Variants in NEB observed in about 807,000 individuals in gnomAD.
NEB encodes the protein nebulin.
In NEB, 512 loss-of-function variants were observed where a neutral mutation model predicts 952.2. The observed-to-expected ratio is 0.54, with a 90% confidence interval of 0.50 to 0.58. The LOEUF is 0.58. Ranked by LOEUF, NEB falls within the 20% of genes least tolerant of loss-of-function variation. The pLI is 0.00. For synonymous variants in NEB, 2,900 were observed against 3,149.8 expected (o/e 0.92, Z 2.66); for missense variants, 8,428 against 9,231.1 (o/e 0.91, Z 3.56).
chr2:151,492,696 GACTTCGA>G (rs2057540141), intron 176 of NEB: 1 of 387,538 alleles, frequency 2.6e-6, no homozygotes, highest in South Asian at 1.0e-4. Flanking sequence ...GACTTGTTTT[GACTTCGA>G]AAATGAAACT....
chr2:151,569,971 C>A (rs1006880124), intron 109 of NEB, 110 bp downstream of exon 109: 14 of 1,102,942 alleles, frequency 1.3e-5, no homozygotes, highest in Admixed American at 2.6e-5. Flanking sequence ...ATATTAAATT[C>A]TTGGTGATAT....
rs190345918 is a variant in NEB at position 151,612,848 on chromosome 2, G to A, written c.11602-459C>T. 3.7e-3 allele frequency among the ~76,000 whole-genome samples: 564 copies of A among 152,212 alleles called. 4 individuals are homozygous for A. In the Middle Eastern group the frequency reaches 0.078, roughly 21 times the overall value. On this transcript the variant is annotated intron_variant, in intron 77 of 181. Coordinates refer to ENST00000397345, the MANE Select transcript of NEB (RefSeq NM_001164508.2). ...CGTTGCATTAATGTGTTTTTTTGGGGATAAAAACGACGTCTTTTTCGTATG... is the reference window on the plus strand; with the variant it reads ...CGTTGCATTAATGTGTTTTTTTGGGAATAAAAACGACGTCTTTTTCGTATG...
At chr2:151,705,708 T>A (rs2099703076) in intron 13 of NEB, among the ~76,000 whole-genome samples, 1 of 151,700 alleles carries the variant, frequency 6.6e-6, no homozygotes, top group Admixed American at 6.6e-5. Flanking sequence ...AAAGAAAATG[T>A]GGTATATATA....
intron 48 of NEB, among the ~76,000 whole-genome samples, 193 bp downstream of exon 48, chr2:151,657,790 G>T (rs941382545): frequency 1.2e-4 from 18 of 152,120 alleles, no homozygotes; most frequent in African/African-American, 4.1e-4. Flanking sequence ...CATCTATGAG[G>T]GTCACCATGT....
chr2:151,503,367 A>T lies in NEB; in HGVS notation c.23817T>A (p.Asn7939Lys). The change falls in exon 166 of 182, where the codon AAT becomes AAA. Residue 7939 changes from asparagine to lysine, a missense_variant. Coordinates refer to ENST00000397345, the MANE Select transcript of NEB (RefSeq NM_001164508.2). ...VTPEIERVKR[N>K]QENFSSVLYK... Reference sequence around the variant, plus strand: ...TAAATACCGAGCTAAAGTTCTCTTGATTGCGTTTGACTCTCTCAATCTCTG... The same window carrying T: ...TAAATACCGAGCTAAAGTTCTCTTGTTTGCGTTTGACTCTCTCAATCTCTG... The T allele has an allele frequency of 6.2e-7, 1 of 1,611,598 alleles. No homozygotes were observed. The highest frequency in any genetic ancestry group is 1.3e-5 in the African/African-American group (1 of 74,976).
At chr2:151,620,548 A>G in intron 72 of NEB, among the ~76,000 whole-genome samples, 1 of 151,846 alleles carries the variant, frequency 6.6e-6, no homozygotes, top group East Asian at 1.9e-4. Flanking sequence ...TTGTCTTTCC[A>G]TGTTCATTTT....
intron 23 of NEB, 117 bp from the exon 24 acceptor site, chr2:151,690,942 G>A (rs1304465275): frequency 1.4e-6 from 1 of 728,926 alleles, no homozygotes; most frequent in Non-Finnish European, 2.4e-6. Context: ...AAACTTAGTT[G>A]ATGCGTTTAT....
At chr2:151,507,363 C>A (rs1575487083) in intron 162 of NEB, among the ~76,000 whole-genome samples, 3 of 152,300 alleles carry the variant, frequency 2.0e-5, no homozygotes, top group Non-Finnish European at 1.5e-5. Context: ...AATAATGGCA[C>A]CTTGGCATTT....
intron 120 of NEB, 34 bp from the exon 121 acceptor site, chr2:151,562,248 G>C: frequency 1.3e-6 from 2 of 1,503,644 alleles, no homozygotes; most frequent in East Asian, 2.3e-5. Context: ...AATGTGGAAG[G>C]TATTCTGAAT....
chr2:151,625,797 A>G (rs1201878131), intron 70 of NEB, among the ~76,000 whole-genome samples, 159 bp from the exon 71 acceptor site: 1 of 152,206 alleles, frequency 6.6e-6, no homozygotes, highest in African/African-American at 2.4e-5. Flanking sequence ...CAAGACATTT[A>G]TTGTAACAAA....
chr2:151,548,641 A>T (rs916699632), intron 130 of NEB, among the ~76,000 whole-genome samples: 6 of 152,226 alleles, frequency 3.9e-5, no homozygotes, highest in African/African-American at 1.4e-4. Flanking sequence ...GACCTTGCCT[A>T]GGTGAAATCT....
intron 105 of NEB, among the ~76,000 whole-genome samples, chr2:151,577,395 G>A (rs1200122987): frequency 6.6e-6 from 1 of 152,154 alleles, no homozygotes; most frequent in East Asian, 1.9e-4. Context: ...AATGCCCCAT[G>A]TCCTCCTAAC....
chr2:151,520,549 A>G (rs1306499709), intron 153 of NEB, among the ~76,000 whole-genome samples: 1 of 152,236 alleles, frequency 6.6e-6, no homozygotes, highest in African/African-American at 2.4e-5. Flanking sequence ...AGAGACAGTC[A>G]TTATGTCTAG....
chr2:151,698,516 G>A (rs1005171182), intron 13 of NEB, among the ~76,000 whole-genome samples: 1 of 152,024 alleles, frequency 6.6e-6, no homozygotes, highest in Non-Finnish European at 1.5e-5. Flanking sequence ...TAATGCCACT[G>A]AATTATACAC....
chr2:151,732,006 T>C (rs1262960019), intron 3 of NEB, among the ~76,000 whole-genome samples: 2 of 152,222 alleles, frequency 1.3e-5, no homozygotes, highest in East Asian at 3.8e-4. Context: ...AGCTATTTTA[T>C]TTGTAGAATA....
intron 63 of NEB, among the ~76,000 whole-genome samples, chr2:151,636,801 A>C (rs970259034): frequency 1.3e-5 from 2 of 152,100 alleles, no homozygotes; most frequent in African/African-American, 4.8e-5. Flanking sequence ...AACAAAACAA[A>C]AAAAAAAGAT....
At position 151,666,189 on chromosome 2, in the gene NEB, G is replaced by A; in HGVS notation, c.4932C>T (p.Ala1644=). ...ATGACTGTCTGTAGTTGGCGTTGGT[G>A]GCAACCTCCTGAGATTTCTTTGCAG... ...VTAAKKSQEV[A]TNANYRQSYH... is the part of the protein sequence containing the mutation. The change falls in exon 41 of 182, where the codon GCC becomes GCT. Residue 1644 remains alanine (A), a synonymous_variant. Coordinates refer to ENST00000397345, the MANE Select transcript of NEB (RefSeq NM_001164508.2). The A allele has an allele frequency of 6.2e-7, 1 of 1,613,928 alleles. No homozygotes were observed. Among genetic ancestry groups the A allele is most frequent in the Non-Finnish European group, 8.5e-7 (1 of 1,179,848 alleles).
intron 148 of NEB, 136 bp from the exon 149 acceptor site, chr2:151,526,398 G>A (rs761501216): frequency 6.1e-4 from 420 of 684,372 alleles, no homozygotes; most frequent in Admixed American, 4.8e-4. Context: ...GCAAATTTTG[G>A]GAAATATTCA....
At position 151,672,658 on chromosome 2, in the gene NEB, T is replaced by C. The variant is rs921890762; in HGVS notation, c.4010A>G (p.Glu1337Gly). The C allele has an allele frequency of 6.2e-7, 1 of 1,613,588 alleles. No homozygotes were observed. Among genetic ancestry groups the C allele is most frequent in the Non-Finnish European group, 8.5e-7 (1 of 1,179,678 alleles). ...ASDYKYKEAY[E>G]KSKGKHVGFR... ...ACCCACATGCTTTCCCTTTGACTTC[T>C]CATAAGCTTCCTTGTATTTATACTG... Residue 1337 changes from glutamate (E) to glycine (G), a missense_variant, in exon 37 of 182, where the codon GAG becomes GGG. This residue lies in a region of NEB where 2,851 missense variants were observed against 2,791.5 expected (regional missense o/e 1.02). Coordinates refer to ENST00000397345, the MANE Select transcript of NEB (RefSeq NM_001164508.2).
Sources: gnomAD v4.1 joint callset for allele counts (sites outside exome capture counted in the v4.1 genomes callset) on GRCh38, gnomAD v4.1.1 for gene constraint, gnomAD v4.1.1 regional missense constraint, MANE v1.5 for transcripts, NCBI Gene and HGNC (gene_info 2026-07-23, HGNC 2026-07-21) for gene names.